Variants in CYP2B6 observed in about 807,000 individuals in gnomAD.
CYP2B6 encodes the protein cytochrome P450 2B6.
In CYP2B6, 35 loss-of-function variants were observed where a neutral mutation model predicts 43.4. The observed-to-expected ratio is 0.81, with a 90% CI of 0.62 to 1.07. CYP2B6 has a LOEUF of 1.07. CYP2B6 is among the 50% of genes least tolerant of loss of function. CYP2B6 has a pLI of 0.00. For synonymous variants in CYP2B6, 239 were observed against 239.2 expected, an observed-to-expected ratio of 1.00 and a Z score of 0.01; for missense variants, 624 against 632.8, an observed-to-expected ratio of 0.99 and a Z score of 0.15.
At chr19:41,003,651 A>T (rs1326204257) in intron 1 of CYP2B6, among the ~76,000 whole-genome samples, 1 of 152,062 alleles carries the variant, frequency 6.6e-6, no homozygotes, top group Non-Finnish European at 1.5e-5. Flanking sequence ...AGCTTGTCCA[A>T]CCTGCCTTAT....
chr19:40,992,173 T>G (rs949837168), intron 1 of CYP2B6, among the ~76,000 whole-genome samples: 1 of 136,158 alleles, frequency 7.3e-6, no homozygotes, highest in South Asian at 2.3e-4. Context: ...CTGCACTCCA[T>G]CCTGGGTGAC....
intron 1 of CYP2B6, among the ~76,000 whole-genome samples, chr19:41,000,811 G>T (rs1284043940): frequency 6.6e-6 from 1 of 152,046 alleles, no homozygotes; most frequent in Non-Finnish European, 1.5e-5. Context: ...GGCTGAAGCA[G>T]GTGGATCAAC....
chr19:41,014,603 CCTG>C (rs1969333162), intron 8 of CYP2B6, among the ~76,000 whole-genome samples: 1 of 152,076 alleles, frequency 6.6e-6, no homozygotes, highest in Non-Finnish European at 1.5e-5. Flanking sequence ...CTGCGACTGG[CCTG>C]CTAATTTGTT....
At chr19:41,001,882 GA>G (rs1346139356) in intron 1 of CYP2B6, among the ~76,000 whole-genome samples, 2 of 151,902 alleles carry the variant, frequency 1.3e-5, no homozygotes, top group Non-Finnish European at 2.9e-5. Flanking sequence ...AAAGCAGGGG[GA>G]TATTTCAGAC....
Position 41,004,121 on chromosome 19 carries a change from C to G in CYP2B6, c.292C>G (p.Arg98Gly), listed in dbSNP as rs183427203. 2.9e-6 allele frequency: 4 copies of G among 1,364,488 alleles called. No homozygotes were observed. The highest frequency in any genetic ancestry group is 4.3e-5 in the East Asian group (1 of 23,158). The allele number at this position is 1,364,488 out of a possible 1,614,324, so 84.5% of individuals were successfully genotyped here. The change falls in exon 2 of 9, where the codon CGG becomes GGG. Residue 98 changes from arginine to glycine, a missense_variant. Coordinates refer to ENST00000324071, the MANE Select transcript of CYP2B6 (RefSeq NM_000767.5). ...GGACAAGGCTGAGGCCTTCTCTGGC[C>G]GGGGAAAAATCGCCATGGTCGACCC... ...LVDKAEAFSG[R>G]GKIAMVDPFF... is the part of the protein sequence containing the mutation.
At chr19:41,014,610 A>T (rs1209506998) in intron 8 of CYP2B6, among the ~76,000 whole-genome samples, 190 of 152,212 alleles carry the variant, frequency 1.2e-3, no homozygotes, top group African/African-American at 4.4e-3. Context: ...TGGCCTGCTA[A>T]TTTGTTTTAA....
At chr19:41,003,842 A>G (rs1387061899) in intron 1 of CYP2B6, 159 bp from the exon 2 acceptor site, 6 of 930,538 alleles carry the variant, frequency 6.4e-6, no homozygotes, top group Non-Finnish European at 1.0e-5. Context: ...GTTAACCATT[A>G]ACCCTTAATT....
chr19:41,002,031 A>T (rs1221627824), intron 1 of CYP2B6, among the ~76,000 whole-genome samples: 1 of 152,086 alleles, frequency 6.6e-6, no homozygotes, highest in Admixed American at 6.6e-5. Context: ...AAACAGGAAA[A>T]ATGTCAGAGA....
chr19:41,000,752 A>G (rs1456891832), intron 1 of CYP2B6, among the ~76,000 whole-genome samples: 2 of 152,000 alleles, frequency 1.3e-5, no homozygotes, highest in African/African-American at 4.8e-5. Flanking sequence ...AGAATTAGGG[A>G]TGGTGGCTGG....
intron 6 of CYP2B6, among the ~76,000 whole-genome samples, chr19:41,011,073 A>C (rs1183469169): frequency 6.6e-6 from 1 of 152,230 alleles, no homozygotes; most frequent in East Asian, 1.9e-4. Flanking sequence ...TGATCCTTTG[A>C]AACAGTGGTA....
chr19:41,001,092 C>T (rs1472604748), intron 1 of CYP2B6, among the ~76,000 whole-genome samples: 1 of 152,030 alleles, frequency 6.6e-6, no homozygotes, highest in Non-Finnish European at 1.5e-5. Context: ...GATAGTGATG[C>T]TCAGCCTGGG....
chr19:40,992,994 T>A (rs1968944548), intron 1 of CYP2B6, among the ~76,000 whole-genome samples: 1 of 152,178 alleles, frequency 6.6e-6, no homozygotes, highest in African/African-American at 2.4e-5. Flanking sequence ...TAGTCTCTTT[T>A]AACTTGAGTG....
Position 41,009,221 on chromosome 19 carries a change from G to A in CYP2B6, c.648G>A (p.Leu216=). ...TCACCACCCCTTCTTTCTTGCAGCT[G>A]TTTGAGCTCTTCTCTGGCTTCTTGA... The part of the protein sequence containing the change: ...FSLISSVFGQ[L]FELFSGFLKY... Residue 216 remains leucine (L), a splice_region_variant and synonymous_variant, in exon 5 of 9, where the codon CTG becomes CTA. Coordinates refer to ENST00000324071, the MANE Select transcript of CYP2B6 (RefSeq NM_000767.5). 6.2e-7 allele frequency: 1 copy of A among 1,611,708 alleles called. No homozygotes were observed. Among genetic ancestry groups the A allele is most frequent in the Admixed American group, 1.7e-5 (1 of 59,804 alleles).
intron 7 of CYP2B6, 36 bp from the exon 8 acceptor site, chr19:41,012,638 A>T: frequency 6.2e-7 from 1 of 1,613,394 alleles, no homozygotes; most frequent in Non-Finnish European, 8.5e-7. Flanking sequence ...GTTGGAGGGA[A>T]TGGCAATATC....
chr19:41,012,969 T>C (rs1969308790), intron 8 of CYP2B6, 154 bp downstream of exon 8: 13 of 898,192 alleles, frequency 1.4e-5, no homozygotes, highest in Non-Finnish European at 2.3e-5. Flanking sequence ...TACAACCCTA[T>C]AAGGAGGCTT....
intron 8 of CYP2B6, among the ~76,000 whole-genome samples, chr19:41,016,399 C>CAAAAAAAAAAAAAAAA (rs869180190): frequency 2.6e-5 from 2 of 76,856 alleles, no homozygotes; most frequent in South Asian, 4.1e-4. Flanking sequence ...GACTCCATCT[C>CAAAAAAAAAAAAAAAA]AAAAAAAAAA....
intron 8 of CYP2B6, among the ~76,000 whole-genome samples, chr19:41,015,602 G>A (rs1458626486): frequency 1.3e-5 from 2 of 152,172 alleles, no homozygotes; most frequent in Non-Finnish European, 2.9e-5. Context: ...AGAATCTACT[G>A]GGGGTTCCTT....
rs544864145 is a variant in CYP2B6 at position 41,012,230 on chromosome 19, A to ATGAGCCACCATGCCTGGCC, written c.965-64_965-46dup. 195 of 1,499,552 alleles carry ATGAGCCACCATGCCTGGCC rather than the reference A, an allele frequency of 1.3e-4. No homozygotes were observed. The African/African-American group carries it at 2.2e-3, about 17-fold the overall frequency. The allele number at this position is 1,499,552 out of a possible 1,614,324, so 92.9% of individuals were successfully genotyped here. ...CTCCAAAATTGCTGGGATTACAGGC[A>ATGAGCCACCATGCCTGGCC]TGAGCCACCATGCCTGGCCTGAAAT... is the stretch of plus-strand genomic sequence containing the variant. On this transcript the variant is annotated intron_variant, in intron 6 of 8. Transcript: ENST00000324071.
chr19:41,015,052 G>A (rs972994289), intron 8 of CYP2B6, among the ~76,000 whole-genome samples: 1 of 152,106 alleles, frequency 6.6e-6, no homozygotes, highest in Non-Finnish European at 1.5e-5. Context: ...ATGGAGATAG[G>A]AAGTTAAGCA....
Sources: gnomAD v4.1 joint callset for allele counts (sites outside exome capture counted in the v4.1 genomes callset) on GRCh38, gnomAD v4.1.1 for gene constraint, MANE v1.5 for transcripts, NCBI Gene and HGNC (gene_info 2026-07-23, HGNC 2026-07-21) for gene names.